Variants in ADORA2B observed in about 807,000 individuals in gnomAD.
ADORA2B encodes adenosine A2b receptor, also known as adenosine receptor A2b.
ADORA2B carries 18 observed loss-of-function variants against 20.8 expected under a neutral mutation model. The ratio of observed to expected loss-of-function variants is 0.87; its 90% CI spans 0.60 to 1.29. The LOEUF (loss-of-function observed/expected upper bound fraction) is 1.29, where lower values mean the gene tolerates loss of function less well. ADORA2B is among the 50% of genes most tolerant of loss of function. The probability of loss-of-function intolerance (pLI) is 0.00; values close to 1 mark genes in which losing one functional copy is unlikely to be tolerated. For synonymous variants in ADORA2B, 179 were observed against 178.3 expected, an observed-to-expected ratio of 1.00 and a Z score of -0.03; for missense variants, 441 against 422.7, an observed-to-expected ratio of 1.04 and a Z score of -0.38.
the ADORA2B span, among the ~76,000 whole-genome samples, chr17:15,902,217 CT>C: frequency 0.24 from 34,994 of 147,032 alleles, 4,138 homozygotes; most frequent in Non-Finnish European, 0.27. Flanking sequence ...GATTCCCTTC[CT>C]TTTTTTTTTT....
chr17:15,874,182 G>T, the ADORA2B span, among the ~76,000 whole-genome samples: 2 of 151,282 alleles, frequency 1.3e-5, no homozygotes, highest in Non-Finnish European at 2.9e-5. Flanking sequence ...AACTTGGATG[G>T]AGCTGGAGGC....
At position 15,971,629 on chromosome 17, in the gene ADORA2B, A is replaced by ATTTT. The variant is rs34445090; in HGVS notation, c.336-3035_336-3032dup. Among the ~76,000 whole-genome samples the ATTTT allele has an allele frequency of 3.1e-5, 4 of 127,940 alleles. 1 individual carries two copies. Among genetic ancestry groups the ATTTT allele is most frequent in the Admixed American group, 1.7e-4 (2 of 11,904 alleles). The allele number at this position is 127,940 out of a possible 152,430, so 83.9% of individuals were successfully genotyped here. On this transcript the variant is annotated intron_variant, in intron 1 of 1. Transcript: ENST00000304222. ...AATGATGAATGTATTTGTAATGGCC[A>ATTTT]TTTTTTTTTTTTTTTTTTGAGATGG...
chr17:15,941,306 T>C (rs1389292565), upstream of ADORA2B, among the ~76,000 whole-genome samples: 1 of 152,184 alleles, frequency 6.6e-6, no homozygotes, highest in Non-Finnish European at 1.5e-5. Flanking sequence ...TTATCCCATC[T>C]TATACATAAG....
At chr17:15,967,282 G>A (rs1005794678) in intron 1 of ADORA2B, among the ~76,000 whole-genome samples, 1 of 102,390 alleles carries the variant, frequency 9.8e-6, no homozygotes, top group African/African-American at 4.1e-5. Context: ...AGGCTGGAGT[G>A]CAGTGGTGCA....
chr17:15,880,555 G>A, the ADORA2B span, among the ~76,000 whole-genome samples: 2 of 140,530 alleles, frequency 1.4e-5, no homozygotes, highest in African/African-American at 5.6e-5. Flanking sequence ...GGGAGCAAGA[G>A]GGACTCCAAA....
chr17:15,954,125 C>A (rs1320552023), intron 1 of ADORA2B, among the ~76,000 whole-genome samples: 1 of 152,120 alleles, frequency 6.6e-6, no homozygotes, highest in Non-Finnish European at 1.5e-5. Context: ...ATTACAGGCA[C>A]GTGCCACCAC....
intron 1 of ADORA2B, among the ~76,000 whole-genome samples, chr17:15,959,494 A>ATTTTT (rs56097835): frequency 2.6e-5 from 2 of 75,922 alleles, no homozygotes; most frequent in Non-Finnish European, 5.4e-5. Flanking sequence ...TCACATTCTG[A>ATTTTT]TTTTTTTTTT....
At chr17:15,925,663 A>G in the ADORA2B span, among the ~76,000 whole-genome samples, 1 of 152,172 alleles carries the variant, frequency 6.6e-6, no homozygotes, top group African/African-American at 2.4e-5. Context: ...TGCGTATTTG[A>G]ATAATTAACC....
chr17:15,916,536 T>C, the ADORA2B span, among the ~76,000 whole-genome samples: 2 of 152,070 alleles, frequency 1.3e-5, no homozygotes, highest in East Asian at 1.9e-4. Context: ...GGGGGGTACA[T>C]GACTGGGGTC....
chr17:15,973,246 C>G (rs1346739512), intron 1 of ADORA2B, among the ~76,000 whole-genome samples: 3 of 152,216 alleles, frequency 2.0e-5, no homozygotes, highest in African/African-American at 7.2e-5. Context: ...GGCCTTTGTT[C>G]AAGTGTCACC....
At chr17:15,906,505 G>C in the ADORA2B span, among the ~76,000 whole-genome samples, 1 of 152,110 alleles carries the variant, frequency 6.6e-6, no homozygotes, top group Admixed American at 6.6e-5. Flanking sequence ...GATTCAATTT[G>C]CTATATTTGT....
the ADORA2B span, among the ~76,000 whole-genome samples, chr17:15,926,903 C>T: frequency 6.8e-3 from 1,034 of 151,840 alleles, 6 homozygotes; most frequent in Non-Finnish European, 0.011. Context: ...CCTAGGAGTT[C>T]GAAGCTACAG....
the ADORA2B span, among the ~76,000 whole-genome samples, chr17:15,933,512 GCTT>G: frequency 6.6e-6 from 1 of 152,010 alleles, no homozygotes; most frequent in Non-Finnish European, 1.5e-5. Context: ...AAAGTCTTGT[GCTT>G]CTTTGGTTAA....
chr17:15,921,123 A>G, the ADORA2B span, among the ~76,000 whole-genome samples: 1 of 152,230 alleles, frequency 6.6e-6, no homozygotes, highest in Non-Finnish European at 1.5e-5. Context: ...TCCCCAGGCC[A>G]TGGAGGATTT....
chr17:15,942,524 A>G (rs1287616426), upstream of ADORA2B, among the ~76,000 whole-genome samples: 1 of 152,188 alleles, frequency 6.6e-6, no homozygotes, highest in African/African-American at 2.4e-5. Flanking sequence ...GGCCTAATAC[A>G]TTGGGTGATT....
intron 1 of ADORA2B, among the ~76,000 whole-genome samples, chr17:15,958,062 C>T (rs1969992227): frequency 6.6e-6 from 1 of 151,170 alleles, no homozygotes; most frequent in Non-Finnish European, 1.5e-5. Flanking sequence ...TCTTGTTGCC[C>T]AGGCTGGAGT....
the ADORA2B span, among the ~76,000 whole-genome samples, chr17:15,910,543 C>T: frequency 6.6e-6 from 1 of 152,200 alleles, no homozygotes; most frequent in South Asian, 2.1e-4. Flanking sequence ...AGGTGATTCA[C>T]CCGCCTCGGC....
chr17:15,884,233 A>G, the ADORA2B span, among the ~76,000 whole-genome samples: 1 of 152,166 alleles, frequency 6.6e-6, no homozygotes, highest in East Asian at 1.9e-4. Context: ...CTATGCATGC[A>G]TGTTTGCATA....
chr17:15,972,009 G>A (rs1441818316), intron 1 of ADORA2B, among the ~76,000 whole-genome samples: 1 of 152,176 alleles, frequency 6.6e-6, no homozygotes, highest in East Asian at 1.9e-4. Flanking sequence ...AAAGGGACAA[G>A]GTCCTAGTCC....
Sources: allele counts gnomAD v4.1 joint callset (sites outside exome capture counted in the v4.1 genomes callset), GRCh38; gene constraint gnomAD v4.1.1; transcripts MANE v1.5; gene names NCBI Gene and HGNC (gene_info 2026-07-23, HGNC 2026-07-21).